Variants in ELMO1 observed in about 807,000 individuals in gnomAD.
ELMO1 encodes engulfment and cell motility 1.
A neutral mutation model predicts 98.9 loss-of-function variants in ELMO1; 26 were observed. That is an observed-to-expected ratio of 0.26 (90% CI 0.19 to 0.36). The LOEUF is 0.36. Among genes scored for constraint, ELMO1 ranks in the 10% least tolerant of loss-of-function variants. The probability of loss-of-function intolerance (pLI) is 1.00; values close to 1 mark genes in which losing one functional copy is unlikely to be tolerated. For synonymous variants in ELMO1, 346 were observed against 346.0 expected (o/e 1.00, Z 0.00); for missense variants, 627 against 935.2 (o/e 0.67, Z 4.30).
rs564456918 is a variant in ELMO1, at chr7:36,955,754, A to G, written c.1437+57545T>C. 7.2e-5 allele frequency among the ~76,000 whole-genome samples: 11 copies of G among 152,294 alleles called. 1 individual carries two copies. The highest frequency in any genetic ancestry group is 7.2e-4 in the Admixed American group (11 of 15,298). On this transcript the variant is annotated intron_variant, in intron 16 of 21. Transcript: ENST00000310758. The stretch of plus-strand genomic sequence containing the variant: ...TATTCGTGACCTTAATCCTTTATTC[A>G]GGCTGTTGCCTCATCTTTAAATTCC...
chr7:37,115,150 T>C (rs534339365), intron 14 of ELMO1, among the ~76,000 whole-genome samples: 8 of 152,298 alleles, frequency 5.3e-5, no homozygotes, highest in East Asian at 1.9e-4. Context: ...GATGGTTTCA[T>C]TGGTGAATTC....
At chr7:36,996,422 ATTTC>A (rs35299195) in intron 16 of ELMO1, among the ~76,000 whole-genome samples, 6 of 152,080 alleles carry the variant, frequency 3.9e-5, no homozygotes, top group Admixed American at 2.6e-4. Context: ...GCTCATATAT[ATTTC>A]TTTCTTTTTG....
At chr7:37,292,554 C>T (rs1797761396) in intron 4 of ELMO1, among the ~76,000 whole-genome samples, 1 of 103,258 alleles carries the variant, frequency 9.7e-6, no homozygotes, top group Admixed American at 9.5e-5. Context: ...AGCGTCTCTG[C>T]CCGGCCGCCC....
chr7:37,277,602 T>A (rs78003374), intron 4 of ELMO1, among the ~76,000 whole-genome samples: 1,680 of 152,266 alleles, frequency 0.011, 36 homozygotes, highest in African/African-American at 0.039. Context: ...ACATGTCATC[T>A]CTCTCTTGAG....
intron 13 of ELMO1, among the ~76,000 whole-genome samples, chr7:37,156,394 G>T (rs1788767824): frequency 6.6e-6 from 1 of 152,054 alleles, no homozygotes; most frequent in South Asian, 2.1e-4. Context: ...CTGGTTTTTT[G>T]AAAAGATCAA....
intron 16 of ELMO1, among the ~76,000 whole-genome samples, chr7:36,970,614 T>C (rs532952443): frequency 6.6e-6 from 1 of 152,372 alleles, no homozygotes. Flanking sequence ...TTACTAGGCA[T>C]GTAGTATACA....
chr7:36,857,197 C>A (rs942364875), intron 21 of ELMO1, among the ~76,000 whole-genome samples: 4 of 152,106 alleles, frequency 2.6e-5, no homozygotes, highest in African/African-American at 9.7e-5. Context: ...TTTAACCCAT[C>A]GAAACATCAA....
At chr7:36,943,701 C>T (rs1787242342) in intron 16 of ELMO1, among the ~76,000 whole-genome samples, 1 of 152,204 alleles carries the variant, frequency 6.6e-6, no homozygotes, top group Admixed American at 6.5e-5. Context: ...ACTCAAGAAA[C>T]ATGTATATTA....
chr7:37,348,785 G>C (rs1419043769), intron 1 of ELMO1, among the ~76,000 whole-genome samples: 2 of 151,972 alleles, frequency 1.3e-5, no homozygotes, highest in African/African-American at 4.8e-5. Context: ...TTAAAGATCT[G>C]TTACATCTCT....
chr7:37,087,583 G>A (rs17170869), intron 15 of ELMO1, among the ~76,000 whole-genome samples: 4,649 of 152,144 alleles, frequency 0.031, 136 homozygotes, highest in African/African-American at 0.079. Flanking sequence ...CATGTGAGAT[G>A]GAGCACTGAC....
intron 5 of ELMO1, 99 bp downstream of exon 5, chr7:37,271,733 G>A: frequency 1.5e-6 from 2 of 1,293,624 alleles, no homozygotes; most frequent in East Asian, 4.7e-5. Context: ...CTTTTGCTTT[G>A]CACTAAAGTC....
chr7:37,014,032 G>C (rs905764008), intron 15 of ELMO1, among the ~76,000 whole-genome samples: 1 of 152,112 alleles, frequency 6.6e-6, no homozygotes, highest in African/African-American at 2.4e-5. Flanking sequence ...AAAGCAACCT[G>C]AATAGCTTTG....
chr7:37,247,791 T>C (rs1795090719), intron 6 of ELMO1, among the ~76,000 whole-genome samples: 1 of 152,078 alleles, frequency 6.6e-6, no homozygotes, highest in Non-Finnish European at 1.5e-5. Flanking sequence ...AGGACAGAGC[T>C]GGGACAACAG....
intron 14 of ELMO1, among the ~76,000 whole-genome samples, chr7:37,125,357 G>A (rs1186219820): frequency 2.0e-5 from 3 of 152,108 alleles, no homozygotes; most frequent in Non-Finnish European, 4.4e-5. Flanking sequence ...GCAACCTACA[G>A]AATGGGAGAA....
intron 15 of ELMO1, among the ~76,000 whole-genome samples, chr7:37,020,614 T>C (rs1328162068): frequency 6.6e-6 from 1 of 152,134 alleles, no homozygotes; most frequent in African/African-American, 2.4e-5. Flanking sequence ...AATACACATT[T>C]TGAGATGCTG....
chr7:37,336,046 G>A (rs1450976302), intron 2 of ELMO1, among the ~76,000 whole-genome samples: 4 of 152,038 alleles, frequency 2.6e-5, no homozygotes, highest in Non-Finnish European at 5.9e-5. Flanking sequence ...GGGCAACATG[G>A]CAAAACCCCA....
chr7:36,918,934 TA>T (rs1326506465), intron 16 of ELMO1, among the ~76,000 whole-genome samples: 1 of 152,094 alleles, frequency 6.6e-6, no homozygotes. Flanking sequence ...GGTTTACCCA[TA>T]GCAAGAGAGT....
At chr7:37,294,437 TG>T (rs1475707412) in intron 4 of ELMO1, among the ~76,000 whole-genome samples, 1 of 151,808 alleles carries the variant, frequency 6.6e-6, no homozygotes, top group Non-Finnish European at 1.5e-5. Flanking sequence ...AAACAAGCAC[TG>T]GTCAGGGTGA....
chr7:37,296,400 G>A (rs140931495), intron 4 of ELMO1, among the ~76,000 whole-genome samples: 63 of 152,238 alleles, frequency 4.1e-4, no homozygotes, highest in African/African-American at 1.4e-3. Flanking sequence ...AAGACATCTC[G>A]TTAATGCTTC....
Sources: allele counts gnomAD v4.1 joint callset (sites outside exome capture counted in the v4.1 genomes callset), GRCh38; gene constraint gnomAD v4.1.1; transcripts MANE v1.5; gene names NCBI Gene and HGNC (gene_info 2026-07-23, HGNC 2026-07-21).